Variants in STK32B observed in about 807,000 individuals in gnomAD.
STK32B encodes the protein serine/threonine-protein kinase 32B.
A neutral mutation model predicts 52.6 loss-of-function variants in STK32B; 43 were observed. That is an observed-to-expected ratio of 0.82 (90% confidence interval 0.64 to 1.05). STK32B has a LOEUF of 1.05. Among genes scored for constraint, STK32B ranks in the 50% least tolerant of loss-of-function variants. The pLI, the probability that STK32B is intolerant of heterozygous loss-of-function variation, is 0.00. For missense variants in STK32B, 621 were observed against 534.6 expected (o/e 1.16, Z -1.59); for synonymous variants, 238 against 204.3 (o/e 1.17, Z -1.41).
At chr4:5,329,428 T>A (rs952494599) in intron 3 of STK32B, among the ~76,000 whole-genome samples, 1 of 152,164 alleles carries the variant, frequency 6.6e-6, no homozygotes, top group African/African-American at 2.4e-5. Flanking sequence ...TCTCTCTCTG[T>A]CTGAGTCACA....
upstream of STK32B, among the ~76,000 whole-genome samples, chr4:5,048,587 G>A (rs1434218986): frequency 6.6e-6 from 1 of 152,028 alleles, no homozygotes; most frequent in Non-Finnish European, 1.5e-5. Context: ...GTGAGCCACC[G>A]TGCCTGGCCT....
chr4:5,447,101 A>G, intron 7 of STK32B: 1 of 210,398 alleles, frequency 4.8e-6, no homozygotes, highest in Admixed American at 5.3e-5. Flanking sequence ...CCCACAACAC[A>G]AGGTCTTCAT....
At chr4:5,286,771 G>A (rs1728568013) in intron 3 of STK32B, among the ~76,000 whole-genome samples, 1 of 142,498 alleles carries the variant, frequency 7.0e-6, no homozygotes, top group Non-Finnish European at 1.5e-5. Flanking sequence ...TTTTGCATAT[G>A]TATTTTGGTA....
At position 5,053,429 on chromosome 4, in the gene STK32B, T is replaced by C. The variant is rs146486346; in HGVS notation, c.52+1514T>C. On this transcript the variant is annotated intron_variant, in intron 1 of 11. Coordinates refer to ENST00000282908, the MANE Select transcript of STK32B (RefSeq NM_018401.3). ...AACACTATGCAGCATCACCCTCAAT[T>C]GCACGGGCTTGTGGTTCTAGCCTGG... 9.9e-3 allele frequency among the ~76,000 whole-genome samples: 1,508 copies of C among 152,306 alleles called. 18 individuals are homozygous for C. Among genetic ancestry groups the C allele is most frequent in the African/African-American group, 0.034 (1,425 of 41,562 alleles).
intron 3 of STK32B, among the ~76,000 whole-genome samples, chr4:5,285,320 A>G (rs78456761): frequency 0.022 from 3,289 of 152,210 alleles, 122 homozygotes; most frequent in African/African-American, 0.074. Context: ...GGTCAACTTT[A>G]TATAAAATGA....
intron 3 of STK32B, among the ~76,000 whole-genome samples, chr4:5,185,797 A>G (rs1720695786): frequency 6.6e-6 from 1 of 152,136 alleles, no homozygotes; most frequent in Non-Finnish European, 1.5e-5. Flanking sequence ...AAATACCACA[A>G]TGGCTCCCGA....
intron 3 of STK32B, among the ~76,000 whole-genome samples, chr4:5,329,755 C>A (rs187785288): frequency 6.6e-6 from 1 of 152,292 alleles, no homozygotes; most frequent in East Asian, 1.9e-4. Flanking sequence ...ATAAACAGCC[C>A]CCTTCCTTGC....
chr4:5,441,722 CT>C (rs1714782426), intron 6 of STK32B, among the ~76,000 whole-genome samples: 2 of 151,014 alleles, frequency 1.3e-5, no homozygotes, highest in Non-Finnish European at 3.0e-5. Context: ...ATCTTTCCTG[CT>C]TTCTCTTGTG....
chr4:5,268,747 T>G (rs1010649757), intron 3 of STK32B, among the ~76,000 whole-genome samples: 1 of 152,126 alleles, frequency 6.6e-6, no homozygotes, highest in African/African-American at 2.4e-5. Context: ...TTAACATTCC[T>G]TTGAAAAACC....
chr4:5,193,240 C>G (rs1180836159), intron 3 of STK32B, among the ~76,000 whole-genome samples: 1 of 152,168 alleles, frequency 6.6e-6, no homozygotes, highest in Non-Finnish European at 1.5e-5. Flanking sequence ...TGTGTCACTG[C>G]TGCTCTGCAG....
chr4:5,181,795 G>A (rs975133635), intron 3 of STK32B, among the ~76,000 whole-genome samples: 7 of 152,230 alleles, frequency 4.6e-5, no homozygotes, highest in Admixed American at 4.6e-4. Context: ...TGCTGGTGGA[G>A]TGTCTTGCCT....
chr4:5,030,224 A>T, the STK32B span, among the ~76,000 whole-genome samples: 1 of 152,218 alleles, frequency 6.6e-6, no homozygotes, highest in African/African-American at 2.4e-5. Context: ...CTATTATTCG[A>T]GGTTATTCAC....
At chr4:5,372,718 G>T (rs1472438164) in intron 4 of STK32B, among the ~76,000 whole-genome samples, 1 of 125,082 alleles carries the variant, frequency 8.0e-6, no homozygotes, top group East Asian at 2.9e-4. Flanking sequence ...GCAGGAGAAA[G>T]TTGGGGGGGG....
At chr4:5,169,546 T>G (rs1312811165) in intron 3 of STK32B, among the ~76,000 whole-genome samples, 1 of 152,070 alleles carries the variant, frequency 6.6e-6, no homozygotes, top group African/African-American at 2.4e-5. Context: ...GAACACAGAT[T>G]GTCCCATCTG....
chr4:5,318,018 C>T (rs72616113), intron 3 of STK32B, among the ~76,000 whole-genome samples: 2 of 151,958 alleles, frequency 1.3e-5, no homozygotes, highest in Non-Finnish European at 2.9e-5. Context: ...GTCCCCAGAT[C>T]CTTCTGAATG....
chr4:5,131,003 G>A lies in STK32B; in HGVS notation c.53-8902G>A, dbSNP rs180777275. ...GGAGTGGATTCTTCTCCCTGACCTT[G>A]TGCCTGACTCTGCCGCTGCACCCGT... On this transcript the variant is annotated intron_variant, in intron 1 of 11. Coordinates refer to ENST00000282908, the MANE Select transcript of STK32B (RefSeq NM_018401.3). Among the ~76,000 whole-genome samples, 3 of 152,206 alleles carry A rather than the reference G, an allele frequency of 2.0e-5. No homozygotes were observed. In the East Asian group the frequency reaches 5.8e-4, roughly 29 times the overall value.
At position 5,453,237 on chromosome 4, in the gene STK32B, G is replaced by C. The variant is rs1251900052; in HGVS notation, c.667-3570G>C. On this transcript the variant is annotated intron_variant, in intron 7 of 11. Transcript: ENST00000282908. This position sits in a 1 kb window ranked among gnomAD's most constrained non-coding sequence, Gnocchi z 4.0. ...TACAGAGATTAGGGAGAGAGAGAGA[G>C]AGAGAGAGTAGCTCATGTGGAGGTC... Among the ~76,000 whole-genome samples, 2 of 152,154 alleles carry C rather than the reference G, an allele frequency of 1.3e-5. No individual in the cohort carries two copies. The highest frequency in any genetic ancestry group is 2.9e-5 in the Non-Finnish European group (2 of 68,036).
chr4:5,364,912 G>C (rs1734780663), intron 4 of STK32B, among the ~76,000 whole-genome samples: 1 of 152,104 alleles, frequency 6.6e-6, no homozygotes, highest in Non-Finnish European at 1.5e-5. Context: ...TTTTGCTCTT[G>C]TTGCCCAGGC....
chr4:5,498,208 C>T (rs1054119345), intron 11 of STK32B, among the ~76,000 whole-genome samples: 1 of 152,190 alleles, frequency 6.6e-6, no homozygotes, highest in Non-Finnish European at 1.5e-5. Flanking sequence ...TTGCTGCCAC[C>T]ATCCACATGC....
Sources: gnomAD v4.1 joint callset for allele counts (sites outside exome capture counted in the v4.1 genomes callset) on GRCh38, gnomAD v4.1.1 for gene constraint, Gnocchi (gnomAD v3.1) non-coding constraint, MANE v1.5 for transcripts, NCBI Gene and HGNC (gene_info 2026-07-23, HGNC 2026-07-21) for gene names.